Variants in SPOCK3 observed in about 807,000 individuals in gnomAD.
SPOCK3 encodes testican-3.
A neutral mutation model predicts 56.6 loss-of-function variants in SPOCK3; 30 were observed. The observed-to-expected ratio is 0.53, with a 90% confidence interval of 0.40 to 0.72. The LOEUF (loss-of-function observed/expected upper bound fraction) is 0.72. Among genes scored for constraint, SPOCK3 ranks in the 30% least tolerant of loss-of-function variants. SPOCK3 has a pLI of 0.00. For missense variants in SPOCK3, 527 were observed against 530.0 expected (o/e 0.99, Z 0.06); for synonymous variants, 196 against 183.3 (o/e 1.07, Z -0.56).
At chr4:166,996,650 A>C (rs1305343139) in intron 4 of SPOCK3, among the ~76,000 whole-genome samples, 1 of 152,162 alleles carries the variant, frequency 6.6e-6, no homozygotes, top group Non-Finnish European at 1.5e-5. Context: ...AGGTAACAGA[A>C]AGTTAGCACA....
At chr4:167,197,075 G>T (rs1439580416) in intron 2 of SPOCK3, among the ~76,000 whole-genome samples, 1 of 152,132 alleles carries the variant, frequency 6.6e-6, no homozygotes, top group Non-Finnish European at 1.5e-5. Context: ...GTGTGAGGGT[G>T]TGACTCATTG....
At chr4:166,780,717 A>G (rs562532204) in intron 7 of SPOCK3, among the ~76,000 whole-genome samples, 2 of 152,278 alleles carry the variant, frequency 1.3e-5, no homozygotes, top group East Asian at 3.9e-4. Flanking sequence ...AGAAAGTCCT[A>G]CCTTTGAGAT....
chr4:167,044,705 C>T (rs1753558904), intron 3 of SPOCK3, among the ~76,000 whole-genome samples: 1 of 152,024 alleles, frequency 6.6e-6, no homozygotes, highest in South Asian at 2.1e-4. Context: ...GCTTAATCAA[C>T]ACATACTTTG....
chr4:167,119,896 C>T (rs1428164492), intron 2 of SPOCK3: 2 of 1,420,514 alleles, frequency 1.4e-6, no homozygotes, highest in Non-Finnish European at 1.8e-6. Context: ...AAGGTTTCAA[C>T]CAAAAAAGAA....
At chr4:166,875,242 T>TA (rs1732954475) in intron 6 of SPOCK3, among the ~76,000 whole-genome samples, 1 of 152,290 alleles carries the variant, frequency 6.6e-6, no homozygotes, top group South Asian at 2.1e-4. Context: ...TATTTACTTC[T>TA]AGAAAAAGTT....
Position 166,908,532 on chromosome 4 carries a change from A to G in SPOCK3, c.474+4088T>C, listed in dbSNP as rs1232164619. ...TGCCTTCCTTCAAAACCATGCACAC[A>G]CACACACACACACACACACACACAC... On this transcript the variant is annotated intron_variant, in intron 5 of 10. Coordinates refer to ENST00000357545, the MANE Select transcript of SPOCK3 (RefSeq NM_001040159.2). Among the ~76,000 whole-genome samples, 4 of 139,398 alleles carry G rather than the reference A, an allele frequency of 2.9e-5. No individual in the cohort carries two copies. The South Asian group carries it at 9.2e-4, about 32-fold the overall frequency. The allele number at this position is 139,398 out of a possible 152,430, so 91.5% of individuals were successfully genotyped here.
At chr4:166,920,702 C>T (rs1053359829) in intron 4 of SPOCK3, among the ~76,000 whole-genome samples, 1 of 151,784 alleles carries the variant, frequency 6.6e-6, no homozygotes, top group African/African-American at 2.4e-5. Flanking sequence ...AATATTTTAC[C>T]AAAAGAAAAT....
chr4:166,834,320 C>G (rs944901463), intron 6 of SPOCK3, among the ~76,000 whole-genome samples: 1 of 152,186 alleles, frequency 6.6e-6, no homozygotes, highest in Non-Finnish European at 1.5e-5. Context: ...TCATAGGTAG[C>G]CACCTTTTTC....
At chr4:166,801,879 A>G (rs1383397204) in intron 6 of SPOCK3, among the ~76,000 whole-genome samples, 1 of 152,170 alleles carries the variant, frequency 6.6e-6, no homozygotes, top group Non-Finnish European at 1.5e-5. Context: ...ATAAATGTAG[A>G]ATGTGTAATC....
intron 3 of SPOCK3, among the ~76,000 whole-genome samples, chr4:167,033,486 C>T (rs1490874025): frequency 2.6e-5 from 4 of 151,146 alleles, no homozygotes; most frequent in African/African-American, 9.7e-5. Flanking sequence ...CTTCTCACAC[C>T]AGTCTTATAA....
intron 4 of SPOCK3, among the ~76,000 whole-genome samples, chr4:166,945,943 G>C (rs542139551): frequency 1.3e-5 from 2 of 152,280 alleles, no homozygotes; most frequent in African/African-American, 4.8e-5. Context: ...TTGTTCAGAA[G>C]TAGTAAAAGA....
chr4:167,108,836 C>A, intron 2 of SPOCK3, among the ~76,000 whole-genome samples: 1 of 148,104 alleles, frequency 6.8e-6, no homozygotes, highest in Non-Finnish European at 1.5e-5. Flanking sequence ...ACAAAGGATA[C>A]ATGTTTGAGG....
intron 2 of SPOCK3, among the ~76,000 whole-genome samples, chr4:167,171,060 C>A (rs71620422): frequency 1.3e-5 from 2 of 152,022 alleles, no homozygotes; most frequent in Admixed American, 6.6e-5. Context: ...TCAAGTATTT[C>A]GCCTTACCTA....
At chr4:167,212,829 T>C (rs1735011291) in intron 2 of SPOCK3, among the ~76,000 whole-genome samples, 1 of 152,216 alleles carries the variant, frequency 6.6e-6, no homozygotes, top group South Asian at 2.1e-4. Context: ...ATAATGTCAC[T>C]AGAAAATTAT....
intron 2 of SPOCK3, among the ~76,000 whole-genome samples, chr4:167,100,798 A>T (rs1759573576): frequency 6.6e-6 from 1 of 152,150 alleles, no homozygotes. Context: ...TCCCAAATCC[A>T]ATTATTCCCA....
chr4:167,222,639 T>TACA (rs1491463588), intron 2 of SPOCK3, among the ~76,000 whole-genome samples: 11 of 139,730 alleles, frequency 7.9e-5, no homozygotes, highest in South Asian at 2.2e-4. Flanking sequence ...TAGATATATA[T>TACA]TATATATTCA....
At chr4:167,066,316 T>C (rs1225542123) in intron 2 of SPOCK3, among the ~76,000 whole-genome samples, 1 of 151,844 alleles carries the variant, frequency 6.6e-6, no homozygotes, top group Non-Finnish European at 1.5e-5. Flanking sequence ...CGCTATTTAG[T>C]ACCATCCTCT....
chr4:166,818,001 A>AT (rs1275006817), intron 6 of SPOCK3, among the ~76,000 whole-genome samples: 12 of 152,056 alleles, frequency 7.9e-5, no homozygotes, highest in African/African-American at 2.4e-4. Context: ...TATAATGTTC[A>AT]TTTTTTTAAA....
chr4:166,823,308 A>G (rs2126768070), intron 6 of SPOCK3, among the ~76,000 whole-genome samples: 1 of 152,142 alleles, frequency 6.6e-6, no homozygotes, highest in South Asian at 2.1e-4. Flanking sequence ...AGGACTTGAT[A>G]CAGGACTCTG....
Sources: gnomAD v4.1 joint callset for allele counts (sites outside exome capture counted in the v4.1 genomes callset) on GRCh38, gnomAD v4.1.1 for gene constraint, MANE v1.5 for transcripts, NCBI Gene and HGNC (gene_info 2026-07-23, HGNC 2026-07-21) for gene names.